LMLN: variants seen among roughly 807,000 people sequenced by gnomAD.
LMLN encodes the protein leishmanolysin-like peptidase.
LMLN carries 70 observed loss-of-function variants against 92.3 expected under a neutral mutation model. The ratio of observed to expected loss-of-function variants is 0.76; its 90% CI spans 0.63 to 0.92. The LOEUF (loss-of-function observed/expected upper bound fraction) is 0.92. Among genes scored for constraint, LMLN ranks in the 40% least tolerant of loss-of-function variants. The pLI, the probability that LMLN is intolerant of heterozygous loss-of-function variation, is 0.00. For synonymous variants in LMLN, 308 were observed against 296.2 expected (o/e 1.04, Z -0.41); for missense variants, 691 against 814.6 (o/e 0.85, Z 1.85).
chr3:198,033,516 A>T (rs1379723343), intron 14 of LMLN, among the ~76,000 whole-genome samples: 1 of 151,936 alleles, frequency 6.6e-6, no homozygotes, highest in Non-Finnish European at 1.5e-5. Flanking sequence ...TCCTGGGTTC[A>T]AGTGATTCTT....
At chr3:197,984,877 A>C (rs775963984) in intron 7 of LMLN, among the ~76,000 whole-genome samples, 3 of 151,228 alleles carry the variant, frequency 2.0e-5, no homozygotes, top group African/African-American at 7.3e-5. Flanking sequence ...GGGTCTCGCC[A>C]TGTTGCCCAG....
intron 12 of LMLN, among the ~76,000 whole-genome samples, chr3:198,020,059 C>A (rs1470221588): frequency 2.0e-5 from 3 of 152,068 alleles, no homozygotes; most frequent in Admixed American, 2.0e-4. Flanking sequence ...TGGGGTTTCG[C>A]CATGTTGCCC....
chr3:197,960,591 G>T, intron 1 of LMLN, 151 bp downstream of exon 1: 1 of 698,104 alleles, frequency 1.4e-6, no homozygotes, highest in Non-Finnish European at 2.4e-6. Context: ...CCCGCTCTCA[G>T]CTCCCTACAC....
intron 11 of LMLN, among the ~76,000 whole-genome samples, chr3:198,016,194 C>CAAAAAA (rs202075630): frequency 1.7e-4 from 14 of 83,632 alleles, no homozygotes; most frequent in Non-Finnish European, 1.5e-4. Flanking sequence ...GTTGCAAAAA[C>CAAAAAA]AAAAAAAAAA....
At chr3:197,972,285 A>T (rs376198270) in intron 1 of LMLN, among the ~76,000 whole-genome samples, 14 of 152,050 alleles carry the variant, frequency 9.2e-5, no homozygotes, top group East Asian at 7.7e-4. Flanking sequence ...GCTGGTCTGG[A>T]ACTCCTGACC....
At chr3:197,978,426 G>A (rs1036305436) in intron 5 of LMLN, among the ~76,000 whole-genome samples, 5 of 152,026 alleles carry the variant, frequency 3.3e-5, no homozygotes, top group African/African-American at 7.2e-5. Context: ...GCTTGACTCC[G>A]GGAGTTTAAG....
chr3:197,992,761 G>T (rs1721911595), intron 9 of LMLN, among the ~76,000 whole-genome samples: 1 of 151,482 alleles, frequency 6.6e-6, no homozygotes, highest in Non-Finnish European at 1.5e-5. Context: ...TGAAGAGGAG[G>T]GATTACTTCC....
At chr3:198,006,909 T>TA (rs1722310249) in intron 11 of LMLN, among the ~76,000 whole-genome samples, 1 of 152,082 alleles carries the variant, frequency 6.6e-6, no homozygotes, top group African/African-American at 2.4e-5. Context: ...GATGGGGTTT[T>TA]ACCATGTTGG....
At chr3:197,974,972 G>T (rs1721327243) in intron 2 of LMLN, 70 bp from the exon 3 acceptor site, 3 of 1,029,438 alleles carry the variant, frequency 2.9e-6, no homozygotes, top group Admixed American at 3.9e-5. Flanking sequence ...CCATTTTTAT[G>T]GTTATTTCTT....
chr3:197,974,738 A>G (rs962630860), intron 2 of LMLN, among the ~76,000 whole-genome samples: 23 of 152,230 alleles, frequency 1.5e-4, no homozygotes, highest in Admixed American at 7.8e-4. Flanking sequence ...ATGTGGATCT[A>G]CTTGGATGTG....
At chr3:197,961,622 T>C (rs1033647078) in intron 1 of LMLN, among the ~76,000 whole-genome samples, 3 of 152,204 alleles carry the variant, frequency 2.0e-5, no homozygotes, top group African/African-American at 7.2e-5. Context: ...TAGTTCCTCA[T>C]AGAGTATATA....
chr3:198,032,101 CAAAA>C (rs35145607), intron 14 of LMLN, among the ~76,000 whole-genome samples: 10 of 103,698 alleles, frequency 9.6e-5, no homozygotes, highest in East Asian at 3.1e-4. Flanking sequence ...GACTCTGACT[CAAAA>C]AAAAAAAAAA....
intron 12 of LMLN, among the ~76,000 whole-genome samples, chr3:198,020,196 A>G (rs1486479068): frequency 6.6e-6 from 1 of 152,048 alleles, no homozygotes; most frequent in Non-Finnish European, 1.5e-5. Context: ...GGGCTTCACC[A>G]TGTTGGCCAG....
intron 11 of LMLN, among the ~76,000 whole-genome samples, chr3:198,009,813 G>A (rs1722385732): frequency 6.6e-6 from 1 of 152,088 alleles, no homozygotes; most frequent in Non-Finnish European, 1.5e-5. Context: ...TGTAGGGTCT[G>A]TTTTAATTTG....
chr3:198,028,234 T>A (rs938335741), intron 14 of LMLN, among the ~76,000 whole-genome samples: 1 of 151,936 alleles, frequency 6.6e-6, no homozygotes, highest in Non-Finnish European at 1.5e-5. Context: ...AAGTCCATGT[T>A]CACATTAGGG....
chr3:197,985,390 TACACACACACACACACACACAC>T (rs142039210), intron 7 of LMLN, among the ~76,000 whole-genome samples: 58 of 142,480 alleles, frequency 4.1e-4, no homozygotes, highest in African/African-American at 1.5e-3. Flanking sequence ...TTTCATAATG[TACACACACACACACACACACAC>T]ACACACACAC....
chr3:197,996,174 G>T lies in LMLN; in HGVS notation c.1048-1G>T. On this transcript the variant is annotated splice_acceptor_variant, in intron 9 of 15. Transcript: ENST00000330198. LOFTEE classifies it high-confidence loss of function. ...TTTCTGATTTTTTTTCTGGTTCTTA[G>T]GAGGAAGCACGAAAACATTTTGATT... 1 of 1,545,316 alleles carries T rather than the reference G, an allele frequency of 6.5e-7. No individual in the cohort carries two copies. The highest frequency in any genetic ancestry group is 1.2e-5 in the South Asian group (1 of 80,168).
intron 7 of LMLN, among the ~76,000 whole-genome samples, chr3:197,984,488 T>C (rs1721644463): frequency 6.6e-6 from 1 of 151,316 alleles, no homozygotes; most frequent in Admixed American, 6.6e-5. Flanking sequence ...GGGCTGCTGC[T>C]GCTGCTGTTT....
chr3:197,975,132 C>T, intron 3 of LMLN, 60 bp downstream of exon 3: 1 of 943,554 alleles, frequency 1.1e-6, no homozygotes, highest in Non-Finnish European at 1.7e-6. Flanking sequence ...CATGGAAATT[C>T]TACTTCAGTA....
Sources: allele counts gnomAD v4.1 joint callset (sites outside exome capture counted in the v4.1 genomes callset), GRCh38; gene constraint gnomAD v4.1.1; transcripts MANE v1.5; gene names NCBI Gene and HGNC (gene_info 2026-07-23, HGNC 2026-07-21).